The following ARAF variants were observed in gnomAD, a reference collection of about 807,000 sequenced individuals.
The protein encoded by ARAF is serine/threonine-protein kinase A-Raf.
Under a neutral mutation model 48.0 loss-of-function variants are expected in ARAF, and 18 were observed. The ratio of observed to expected loss-of-function variants is 0.37; its 90% CI spans 0.26 to 0.56. ARAF has a LOEUF of 0.56. Among genes scored for constraint, ARAF ranks in the 20% least tolerant of loss-of-function variants. ARAF has a pLI of 0.77. For missense variants in ARAF, 389 were observed against 543.1 expected, an observed-to-expected ratio of 0.72 and a Z score of 2.82; for synonymous variants, 207 against 220.1, an observed-to-expected ratio of 0.94 and a Z score of 0.53.
chrX:47,562,238 C>T (rs1202948189), intron 1 of ARAF, among the ~76,000 whole-genome samples: 1 of 110,534 alleles, frequency 9.0e-6, no homozygotes, highest in Non-Finnish European at 1.9e-5. Context: ...AACCAGGACA[C>T]TTTGGGAGGC....
Position 47,566,548 on chromosome X carries a change from G to A in ARAF, c.558-91G>A, listed in dbSNP as rs143528736. On this transcript the variant is annotated intron_variant, in intron 6 of 15. Transcript: ENST00000377045. ...GCCAGTGGACATTCGCTCTGTGTGA[G>A]CCAAATGCATGTTTATGGCTGGGGG... 6,894 of 974,009 alleles carry A rather than the reference G, an allele frequency of 7.1e-3. 25 individuals carry two copies. The highest frequency in any genetic ancestry group is 0.015 in the South Asian group (606 of 39,649). 80.3% of individuals were successfully genotyped at this position (974,009 alleles called of 1,213,427 possible).
Position 47,571,866 on chromosome X carries a change from A to G in ARAF, c.*409A>G, listed in dbSNP as rs1262396742. The G allele has an allele frequency of 3.3e-5, 6 of 182,534 alleles. 1 individual carries two copies. The highest frequency in any genetic ancestry group is 4.0e-5 in the Non-Finnish European group (4 of 99,228). The allele number at this position is 182,534 out of a possible 1,213,427, so 15.0% of individuals were successfully genotyped here. ...TTTGTGTCTCCCCCGCCATTCAAGG[A>G]CTCCTCTCTTTCTTCACCAAGAAGC... On this transcript the variant is annotated 3_prime_UTR_variant, in exon 16 of 16. Coordinates refer to ENST00000377045, the MANE Select transcript of ARAF (RefSeq NM_001654.5).
At position 47,570,029 on chromosome X, in the gene ARAF, G is replaced by A; in HGVS notation, c.1551+5G>A. On this transcript the variant is annotated splice_donor_5th_base_variant and intron_variant, in intron 14 of 15. Coordinates refer to ENST00000377045, the MANE Select transcript of ARAF (RefSeq NM_001654.5). Reference sequence around the variant, plus strand: ...CACATTGGCTGCCGTGACCAGGTGAGCCCCACACCTTACCCACAGTTCCCT... The same window carrying A: ...CACATTGGCTGCCGTGACCAGGTGAACCCCACACCTTACCCACAGTTCCCT... 8.3e-7 allele frequency: 1 copy of A among 1,204,959 alleles called. No individual in the cohort carries two copies. Among genetic ancestry groups the A allele is most frequent in the South Asian group, 1.8e-5 (1 of 56,290 alleles).
At chrX:47,568,917 G>T (rs2057744037) in intron 11 of ARAF, 23 bp downstream of exon 11, 1 of 1,204,541 alleles carries the variant, frequency 8.3e-7, no homozygotes, top group Non-Finnish European at 1.1e-6. Flanking sequence ...GCCTGGGGAG[G>T]GGTGGGGGGA....
chrX:47,566,593 G>C (rs769569122), intron 6 of ARAF, 46 bp from the exon 7 acceptor site: 13 of 1,127,032 alleles, frequency 1.2e-5, no homozygotes, highest in Non-Finnish European at 1.3e-5. Context: ...GGGCTTTCTC[G>C]GTTCTCTGAT....
Position 47,568,685 on chromosome X carries a change from C to T in ARAF, c.1077-33C>T, listed in dbSNP as rs1480166696. Reference sequence around the variant, plus strand: ...GTAAGTGACAGTTGCTATTTTTCCTCCCCACCTCTGACACTGCCCTCCCTG... The same window carrying T: ...GTAAGTGACAGTTGCTATTTTTCCTTCCCACCTCTGACACTGCCCTCCCTG... On this transcript the variant is annotated intron_variant, in intron 10 of 15. Transcript: ENST00000377045. 9 of 1,198,734 alleles carry T rather than the reference C, an allele frequency of 7.5e-6. No individual in the cohort carries two copies. In the South Asian group the frequency reaches 1.4e-4, roughly 19 times the overall value.
intron 15 of ARAF, 119 bp downstream of exon 15, chrX:47,571,131 G>T: frequency 1.0e-6 from 1 of 986,214 alleles, no homozygotes; most frequent in Non-Finnish European, 1.4e-6. Context: ...GTGTGTGTGT[G>T]TGTGTGTGTG....
At chrX:47,568,414 T>C (rs927642984) in intron 10 of ARAF, among the ~76,000 whole-genome samples, 4 of 109,526 alleles carry the variant, frequency 3.7e-5, no homozygotes, top group African/African-American at 1.0e-4. Context: ...GGGTGGGGGA[T>C]GTTAATGATT....
Position 47,569,616 on chromosome X carries a change from G to A in ARAF, c.1378G>A (p.Ala460Thr). The change falls in exon 13 of 16, where the codon GCC (alanine) becomes ACC (threonine). Residue 460 changes from alanine to threonine, a missense_variant. Physicochemically the swap from Ala to Thr is moderately conservative, Grantham distance 58. Coordinates refer to ENST00000377045, the MANE Select transcript of ARAF (RefSeq NM_001654.5). ...LATVKTRWSG[A>T]QPLEQPSGSV... ...CACAGTGAAGACTCGATGGAGCGGG[G>A]CCCAGCCCTTGGAGCAGCCCTCAGG... 1.7e-6 allele frequency: 2 copies of A among 1,210,045 alleles called. No individual in the cohort carries two copies. The highest frequency in any genetic ancestry group is 2.2e-6 in the Non-Finnish European group (2 of 894,636).
At chrX:47,571,112 TG>T (rs1180338154) in intron 15 of ARAF, 100 bp downstream of exon 15, 1 of 198,837 alleles carries the variant, frequency 5.0e-6, no homozygotes, top group Non-Finnish European at 7.0e-6. Context: ...AGAGGTATAG[TG>T]TGTGTGTGTG....
Position 47,565,262 on chromosome X carries a change from A to G in ARAF, c.469A>G (p.Ser157Gly). Residue 157 changes from serine (S) to glycine (G), a missense_variant, in exon 6 of 16, where the codon AGT becomes GGT. Ser to Gly is a moderately conservative substitution (Grantham distance 56, BLOSUM62 0). This residue lies in a region of ARAF where 154 missense variants were observed against 133.6 expected (regional missense o/e 1.15). Transcript: ENST00000377045. ...MSTNRQQFYH[S>G]VQDLSGGSRQ... ...CTTCATGCCCTCAAGGTTCTACCAC[A>G]GTGTCCAGGATTTGTCCGGAGGCTC... The G allele has an allele frequency of 4.1e-6, 5 of 1,211,492 alleles. No individual in the cohort carries two copies. The highest frequency in any genetic ancestry group is 5.6e-6 in the Non-Finnish European group (5 of 895,448).
In ARAF at chrX:47,568,818, C is replaced by T; in HGVS notation, c.1177C>T (p.His393Tyr). 1 of 1,211,399 alleles carries T rather than the reference C, an allele frequency of 8.3e-7. No individual in the cohort carries two copies. The highest frequency in any genetic ancestry group is 1.1e-6 in the Non-Finnish European group (1 of 895,325). Residue 393 changes from histidine (H) to tyrosine (Y), a missense_variant, in exon 11 of 16, where the codon CAC (histidine) becomes TAC (tyrosine). Around this residue, in one of 4 missense-constraint regions of ARAF, gnomAD observed 170 missense variants for 281.4 expected, o/e 0.60. Transcript: ENST00000377045. ...QWCEGSSLYH[H>Y]LHVADTRFDM... Reference sequence around the variant, plus strand: ...GTGTGAGGGCTCCAGCCTCTACCATCACCTGCATGTGGCCGACACACGCTT... The same window carrying T: ...GTGTGAGGGCTCCAGCCTCTACCATTACCTGCATGTGGCCGACACACGCTT...
intron 14 of ARAF, 135 bp downstream of exon 14, chrX:47,570,159 C>T: frequency 1.3e-6 from 1 of 767,415 alleles, no homozygotes; most frequent in Non-Finnish European, 1.8e-6. Context: ...ATAAGGACTC[C>T]CAGAATCCCT....
rs768276363 is a variant in ARAF at position 47,567,022 on chromosome X, G to A, written c.764G>A (p.Arg255Gln). 9 of 1,211,471 alleles carry A rather than the reference G, an allele frequency of 7.4e-6. No individual in the cohort carries two copies. Among genetic ancestry groups the A allele is most frequent in the African/African-American group, 3.5e-5 (2 of 57,841 alleles). Reference sequence around the variant, plus strand: ...AGAGGAGGTAGTGATGGAACCCCCCGGGGGAGCCCCAGCCCAGCCAGCGTG... The same window carrying A: ...AGAGGAGGTAGTGATGGAACCCCCCAGGGGAGCCCCAGCCCAGCCAGCGTG... Reference protein sequence around the residue: ...GSRGGSDGTPRGSPSPASVSS... With the variant: ...GSRGGSDGTPQGSPSPASVSS... The change falls in exon 9 of 16, where the codon CGG becomes CAG. Residue 255 changes from arginine to glutamine, a missense_variant. Physicochemically the swap from Arg to Gln is conservative, Grantham distance 43. This residue lies in a region of ARAF where 154 missense variants were observed against 133.6 expected (regional missense o/e 1.15). Transcript: ENST00000377045.
chrX:47,567,183 T>C (rs1474131329), intron 9 of ARAF, 47 bp from the exon 10 acceptor site: 3 of 1,209,921 alleles, frequency 2.5e-6, no homozygotes, highest in Non-Finnish European at 3.4e-6. Flanking sequence ...TGACGTGGGA[T>C]GAGGGATGTG....
rs781240605 is a variant in ARAF at position 47,567,235 on chromosome X, C to G, written c.879C>G (p.Asn293Lys). The G allele has an allele frequency of 8.5e-5, 103 of 1,209,763 alleles. No homozygotes were observed. Among genetic ancestry groups the G allele is most frequent in the Non-Finnish European group, 1.1e-4 (100 of 895,064 alleles). The change falls in exon 10 of 16, where the codon AAC becomes AAG. Residue 293 changes from asparagine (N) to lysine (K), a missense_variant. Around this residue, in one of 4 missense-constraint regions of ARAF, gnomAD observed 154 missense variants for 133.6 expected, o/e 1.15. Coordinates refer to ENST00000377045, the MANE Select transcript of ARAF (RefSeq NM_001654.5). The part of the protein sequence containing the change: ...SLADDKKKVK[N>K]LGYRDSGYYW... The stretch of plus-strand genomic sequence containing the variant: ...GCCACCCATCTGGCCCACAGAAGAA[C>G]CTGGGGTACCGGGACTCAGGCTATT...
In ARAF at chrX:47,567,289, G is replaced by C. The variant is rs994460893; in HGVS notation, c.933G>C (p.Gln311His). ...GGGAGGTACCACCCAGTGAGGTGCAGCTGCTGAAGAGGATCGGGACGGGCT... is the reference window on the plus strand; with the variant it reads ...GGGAGGTACCACCCAGTGAGGTGCACCTGCTGAAGAGGATCGGGACGGGCT... ...YYWEVPPSEV[Q>H]LLKRIGTGSF... The change falls in exon 10 of 16, where the codon CAG (glutamine) becomes CAC (histidine). Residue 311 changes from glutamine to histidine, a missense_variant. Around this residue, in one of 4 missense-constraint regions of ARAF, gnomAD observed 170 missense variants for 281.4 expected, o/e 0.60. Transcript: ENST00000377045. 8.3e-7 allele frequency: 1 copy of C among 1,209,824 alleles called. No individual in the cohort carries two copies. Among genetic ancestry groups the C allele is most frequent in the African/African-American group, 1.8e-5 (1 of 57,028 alleles).
chrX:47,562,028 CA>C (rs1245683746), intron 1 of ARAF, among the ~76,000 whole-genome samples: 4 of 100,983 alleles, frequency 4.0e-5, no homozygotes, highest in African/African-American at 1.5e-4. Flanking sequence ...AGCCACCTAA[CA>C]ACGGTGTCTG....
intron 10 of ARAF, among the ~76,000 whole-genome samples, chrX:47,568,174 A>T (rs757311093): frequency 1.3e-4 from 15 of 111,467 alleles, no homozygotes; most frequent in African/African-American, 4.9e-4. Context: ...GTCTTTCCCA[A>T]GGTTGTACCT....
Sources: gnomAD v4.1 joint callset for allele counts (sites outside exome capture counted in the v4.1 genomes callset) on GRCh38, gnomAD v4.1.1 for gene constraint, gnomAD v4.1.1 regional missense constraint, MANE v1.5 for transcripts, NCBI Gene and HGNC (gene_info 2026-07-23, HGNC 2026-07-21) for gene names.